The following ANK1 variants were observed in gnomAD, a reference collection of about 807,000 sequenced individuals.
ANK1 encodes ankyrin-1.
In ANK1, 51 loss-of-function variants were observed where a neutral mutation model predicts 210.4. The observed-to-expected ratio is 0.24, with a 90% CI of 0.19 to 0.31. The LOEUF is 0.31. Ranked by LOEUF, ANK1 falls within the 10% of genes least tolerant of loss-of-function variation. The pLI, the probability that ANK1 is intolerant of heterozygous loss-of-function variation, is 1.00. For synonymous variants in ANK1, 967 were observed against 1,025.9 expected, an observed-to-expected ratio of 0.94 and a Z score of 1.10; for missense variants, 2,051 against 2,504.4, an observed-to-expected ratio of 0.82 and a Z score of 3.86.
At position 41,827,731 on chromosome 8, in the gene ANK1, C is replaced by T. The variant is rs750498871; in HGVS notation, c.126+68624G>A. On this transcript the variant is annotated intron_variant, in intron 1 of 42. Transcript: ENST00000265709. ...ACGCACACCCACTCACACTCACACA[C>T]ATCCACACACGCATACATACACCCA... 2.1e-3 allele frequency among the ~76,000 whole-genome samples: 188 copies of T among 87,930 alleles called. 3 individuals are homozygous for T. The highest frequency in any genetic ancestry group is 3.5e-3 in the Non-Finnish European group (162 of 45,750). The allele number at this position is 87,930 out of a possible 152,430, so 57.7% of individuals were successfully genotyped here. A position where few individuals can be genotyped will look rare whatever the true frequency, so the allele number is the denominator to read the frequency against.
intron 9 of ANK1, among the ~76,000 whole-genome samples, chr8:41,722,387 T>C (rs1424246637): frequency 6.6e-6 from 1 of 152,350 alleles, no homozygotes; most frequent in Non-Finnish European, 1.5e-5. Flanking sequence ...CATCATTTTA[T>C]GACAGAACTG....
At chr8:41,834,847 T>C (rs1807325309) in intron 1 of ANK1, among the ~76,000 whole-genome samples, 1 of 152,346 alleles carries the variant, frequency 6.6e-6, no homozygotes, top group African/African-American at 2.4e-5. Context: ...CTCTGGATCC[T>C]GTTGAGGACA....
chr8:41,696,604 T>C lies in ANK1; in HGVS notation c.2736-17A>G. ...ACCAGAAACCTAGGAGTGGGGCAGA[T>C]GCACGTTGGGCTTCTGCATCCCCTC... On this transcript the variant is annotated splice_polypyrimidine_tract_variant and intron_variant, in intron 25 of 42. Coordinates refer to ENST00000289734, the MANE Select transcript of ANK1 (RefSeq NM_000037.4). 6.2e-7 allele frequency: 1 copy of C among 1,613,066 alleles called. No homozygotes were observed. Among genetic ancestry groups the C allele is most frequent in the Non-Finnish European group, 8.5e-7 (1 of 1,179,724 alleles).
At chr8:41,693,671 C>T (rs1819945465) in intron 29 of ANK1, among the ~76,000 whole-genome samples, 2 of 152,034 alleles carry the variant, frequency 1.3e-5, no homozygotes, top group African/African-American at 2.4e-5. Context: ...GCGATCCACC[C>T]GCCTTGGCAT....
intron 16 of ANK1, 75 bp from the exon 17 acceptor site, chr8:41,709,050 T>C: frequency 2.5e-6 from 4 of 1,577,526 alleles, no homozygotes; most frequent in Non-Finnish European, 3.5e-6. Flanking sequence ...AAGCAGGGGC[T>C]GAGTCTGGTT....
intron 1 of ANK1, among the ~76,000 whole-genome samples, chr8:41,822,068 G>GAGAGAA (rs1587206602): frequency 3.6e-4 from 3 of 8,324 alleles, no homozygotes; most frequent in East Asian, 2.1e-3. Flanking sequence ...GAAAGAAAGA[G>GAGAGAA]AGAGAGAGAG....
At chr8:41,765,210 CTCTT>C (rs1002584939) in intron 1 of ANK1, among the ~76,000 whole-genome samples, 4 of 137,888 alleles carry the variant, frequency 2.9e-5, no homozygotes, top group South Asian at 2.3e-4. Flanking sequence ...CTCTTTTTTT[CTCTT>C]TCTTTCTTTT....
chr8:41,857,119 A>T (rs1812338424), intron 1 of ANK1, among the ~76,000 whole-genome samples: 1 of 150,344 alleles, frequency 6.7e-6, no homozygotes, highest in Non-Finnish European at 1.5e-5. Context: ...CCTCAAAATG[A>T]TTCGCTGGCC....
chr8:41,707,389 G>A (rs191610069), intron 17 of ANK1, among the ~76,000 whole-genome samples: 69 of 152,316 alleles, frequency 4.5e-4, no homozygotes, highest in African/African-American at 1.6e-3. Flanking sequence ...CCCCTCTACA[G>A]GACTCCACTT....
intron 2 of ANK1, among the ~76,000 whole-genome samples, chr8:41,750,565 CT>C (rs56259522): frequency 0.35 from 51,394 of 148,734 alleles, 8,990 homozygotes; most frequent in Middle Eastern, 0.43. Flanking sequence ...AACATTGCTG[CT>C]TTTTTTTTTT....
At chr8:41,767,379 A>ATT in intron 1 of ANK1, among the ~76,000 whole-genome samples, 1 of 150,904 alleles carries the variant, frequency 6.6e-6, no homozygotes, top group East Asian at 2.0e-4. Context: ...TCGCGCTGCC[A>ATT]TCGTCCGGCG....
At chr8:41,810,674 G>C (rs1485818644) in intron 1 of ANK1, among the ~76,000 whole-genome samples, 1 of 152,232 alleles carries the variant, frequency 6.6e-6, no homozygotes, top group Non-Finnish European at 1.5e-5. Context: ...ACGTGCCGCC[G>C]AAGCGTAATA....
intron 1 of ANK1, chr8:41,896,261 G>A: frequency 2.8e-6 from 4 of 1,412,292 alleles, no homozygotes; most frequent in Non-Finnish European, 3.7e-6. Context: ...ACCGGGCGCC[G>A]CGCCCCACCG....
intron 15 of ANK1, 32 bp from the exon 16 acceptor site, chr8:41,714,286 G>T: frequency 6.6e-7 from 1 of 1,526,350 alleles, no homozygotes; most frequent in Non-Finnish European, 8.9e-7. Flanking sequence ...GAGGCCGGCT[G>T]TCACTCCCAC....
At chr8:41,673,001 C>T (rs2150563753) in intron 37 of ANK1, 89 bp from the exon 38 acceptor site, 1 of 1,354,790 alleles carries the variant, frequency 7.4e-7, no homozygotes, top group East Asian at 2.5e-5. Flanking sequence ...CACGAACACA[C>T]ACATGCGGGT....
intron 39 of ANK1, among the ~76,000 whole-genome samples, chr8:41,666,726 C>T (rs991981600): frequency 1.3e-5 from 2 of 152,248 alleles, no homozygotes; most frequent in Non-Finnish European, 2.9e-5. Flanking sequence ...AGATGGGCAC[C>T]GGCAGCAGCC....
At position 41,732,874 on chromosome 8, in the gene ANK1, A is replaced by G. The variant is rs554915654; in HGVS notation, c.228+1097T>C. ...TGCCTCAGTCTCCTGAGTAGCTGGGATTACAGGCGCCCGCCACCACGCCCG... is the reference window on the plus strand; with the variant it reads ...TGCCTCAGTCTCCTGAGTAGCTGGGGTTACAGGCGCCCGCCACCACGCCCG... On this transcript the variant is annotated intron_variant, in intron 3 of 42. Transcript: ENST00000289734. Among the ~76,000 whole-genome samples, 3 of 151,940 alleles carry G rather than the reference A, an allele frequency of 2.0e-5. No homozygotes were observed. In the South Asian group the frequency reaches 6.2e-4, roughly 32 times the overall value.
intron 16 of ANK1, among the ~76,000 whole-genome samples, chr8:41,710,247 G>A (rs557892800): frequency 2.0e-5 from 3 of 152,078 alleles, no homozygotes; most frequent in South Asian, 2.1e-4. Flanking sequence ...TTTTTTTTGC[G>A]CTTCATTAAA....
chr8:41,715,331 AG>A (rs1827331819), intron 14 of ANK1, among the ~76,000 whole-genome samples: 1 of 152,244 alleles, frequency 6.6e-6, no homozygotes, highest in Non-Finnish European at 1.5e-5. Context: ...AGCTGAGGGC[AG>A]GGTATGAGTC....
Sources: gnomAD v4.1 joint callset for allele counts (sites outside exome capture counted in the v4.1 genomes callset) on GRCh38, gnomAD v4.1.1 for gene constraint, MANE v1.5 for transcripts, NCBI Gene and HGNC (gene_info 2026-07-23, HGNC 2026-07-21) for gene names.